FSHR: variants seen among roughly 807,000 people sequenced by gnomAD.
The protein encoded by FSHR is follicle stimulating hormone receptor.
A neutral mutation model predicts 52.1 loss-of-function variants in FSHR; 46 were observed. The observed-to-expected ratio is 0.88, with a 90% confidence interval of 0.70 to 1.13. The LOEUF (loss-of-function observed/expected upper bound fraction) is 1.13. Among genes scored for constraint, FSHR ranks in the 50% most tolerant of loss-of-function variants. The pLI is 0.00. For synonymous variants in FSHR, 399 were observed against 309.6 expected (o/e 1.29, Z -3.03); for missense variants, 964 against 834.6 (o/e 1.16, Z -1.91).
At chr2:49,119,622 C>T (rs1450014064) in intron 1 of FSHR, among the ~76,000 whole-genome samples, 1 of 151,974 alleles carries the variant, frequency 6.6e-6, no homozygotes, top group Non-Finnish European at 1.5e-5. Flanking sequence ...GATTTTTGTA[C>T]CAATATTATA....
chr2:49,023,982 C>T (rs1027585492), intron 2 of FSHR, among the ~76,000 whole-genome samples: 6 of 152,006 alleles, frequency 3.9e-5, no homozygotes, highest in African/African-American at 7.3e-5. Flanking sequence ...CTTTAGGGAG[C>T]GAATAAGCAT....
At chr2:49,006,752 C>T (rs1237798209) in intron 4 of FSHR, among the ~76,000 whole-genome samples, 1 of 152,092 alleles carries the variant, frequency 6.6e-6, no homozygotes, top group Non-Finnish European at 1.5e-5. Flanking sequence ...ATAGACTTTT[C>T]TCCCCAAAGG....
chr2:49,023,415 A>T (rs2104232921), intron 2 of FSHR, among the ~76,000 whole-genome samples: 1 of 152,324 alleles, frequency 6.6e-6, no homozygotes. Context: ...GAATATCATC[A>T]CTAAACTGAA....
At chr2:49,004,882 T>G (rs145580492) in intron 4 of FSHR, among the ~76,000 whole-genome samples, 3 of 152,094 alleles carry the variant, frequency 2.0e-5, no homozygotes, top group Admixed American at 6.6e-5. Flanking sequence ...AGAAGGCATA[T>G]CCTATGAAAA....
intron 1 of FSHR, among the ~76,000 whole-genome samples, chr2:49,075,632 C>T (rs531329707): frequency 9.4e-4 from 141 of 149,844 alleles, no homozygotes; most frequent in African/African-American, 3.3e-3. Flanking sequence ...TATAACATTA[C>T]TTTTTTTTTT....
At chr2:49,016,257 CA>C (rs1667486916) in intron 4 of FSHR, among the ~76,000 whole-genome samples, 1 of 152,150 alleles carries the variant, frequency 6.6e-6, no homozygotes, top group South Asian at 2.1e-4. Context: ...AAAGTGGCTT[CA>C]AAAAATGGCT....
At chr2:49,019,525 C>G (rs953423714) in intron 3 of FSHR, among the ~76,000 whole-genome samples, 2 of 152,106 alleles carry the variant, frequency 1.3e-5, no homozygotes, top group Admixed American at 6.6e-5. Flanking sequence ...GTAGAGGAAC[C>G]AAGGATCATT....
intron 4 of FSHR, among the ~76,000 whole-genome samples, chr2:48,999,879 G>A (rs996512804): frequency 2.0e-5 from 3 of 152,050 alleles, no homozygotes. Context: ...CCTGAGTTTG[G>A]TGTTTCCTAG....
chr2:49,094,993 T>C (rs924728406), intron 1 of FSHR, among the ~76,000 whole-genome samples: 1 of 152,110 alleles, frequency 6.6e-6, no homozygotes, highest in African/African-American at 2.4e-5. Context: ...AAAAGGATTA[T>C]GTGAATACTA....
intron 1 of FSHR, among the ~76,000 whole-genome samples, chr2:49,147,634 A>G (rs919019291): frequency 6.6e-6 from 1 of 152,018 alleles, no homozygotes; most frequent in Non-Finnish European, 1.5e-5. Flanking sequence ...CTCAGGATAG[A>G]GTTCATCTTC....
intron 1 of FSHR, among the ~76,000 whole-genome samples, chr2:49,082,532 A>T (rs1018084553): frequency 6.6e-6 from 1 of 152,202 alleles, no homozygotes; most frequent in African/African-American, 2.4e-5. Context: ...AATGCTTCAG[A>T]CGATCAAATT....
At chr2:49,056,261 A>G (rs1669058570) in intron 2 of FSHR, among the ~76,000 whole-genome samples, 1 of 151,900 alleles carries the variant, frequency 6.6e-6, no homozygotes, top group Admixed American at 6.6e-5. Context: ...ACCTGTAAAG[A>G]CACATAGACT....
intron 1 of FSHR, among the ~76,000 whole-genome samples, chr2:49,081,802 A>T (rs986122463): frequency 6.6e-6 from 1 of 152,212 alleles, no homozygotes. Flanking sequence ...AATATTTCAT[A>T]CTTTGGGCAG....
chr2:49,044,759 T>G (rs1668596912), intron 2 of FSHR, among the ~76,000 whole-genome samples: 1 of 152,170 alleles, frequency 6.6e-6, no homozygotes, highest in African/African-American at 2.4e-5. Flanking sequence ...TGTGCTAACT[T>G]GCCCTGCACT....
chr2:49,127,149 G>A (rs1351284900), intron 1 of FSHR, among the ~76,000 whole-genome samples: 5 of 152,192 alleles, frequency 3.3e-5, no homozygotes, highest in Admixed American at 6.5e-5. Context: ...CCAACATGGC[G>A]AAACCCCGTC....
At chr2:49,048,489 T>C (rs1481321489) in intron 2 of FSHR, among the ~76,000 whole-genome samples, 3 of 152,170 alleles carry the variant, frequency 2.0e-5, no homozygotes, top group Non-Finnish European at 2.9e-5. Context: ...TGAGACACTA[T>C]AAATGGGAAA....
chr2:49,068,844 A>C (rs1325153733), intron 1 of FSHR, among the ~76,000 whole-genome samples: 1 of 152,012 alleles, frequency 6.6e-6, no homozygotes, highest in African/African-American at 2.4e-5. Flanking sequence ...TAGCTTCTCC[A>C]ATATACACTA....
intron 1 of FSHR, among the ~76,000 whole-genome samples, chr2:49,070,224 C>T (rs1669678604): frequency 6.6e-6 from 1 of 152,046 alleles, no homozygotes; most frequent in Non-Finnish European, 1.5e-5. Flanking sequence ...AAATATATAA[C>T]AGAAATATTG....
chr2:48,966,329 C>T (rs1382528722), intron 9 of FSHR, among the ~76,000 whole-genome samples: 1 of 151,976 alleles, frequency 6.6e-6, no homozygotes, highest in Non-Finnish European at 1.5e-5. Flanking sequence ...ATGGCCTTCA[C>T]AACATTGAGT....
Sources: gnomAD v4.1 joint callset for allele counts (sites outside exome capture counted in the v4.1 genomes callset) on GRCh38, gnomAD v4.1.1 for gene constraint, MANE v1.5 for transcripts, NCBI Gene and HGNC (gene_info 2026-07-23, HGNC 2026-07-21) for gene names.